The following DIP2B variants were observed in gnomAD, a reference collection of about 807,000 sequenced individuals.
The protein encoded by DIP2B is disco-interacting protein 2 homolog B.
DIP2B carries 76 observed loss-of-function variants against 198.0 expected under a neutral mutation model. That is an observed-to-expected ratio of 0.38 (90% CI 0.32 to 0.46). The LOEUF is 0.46. Ranked by LOEUF, DIP2B falls within the 20% of genes least tolerant of loss-of-function variation. The probability of loss-of-function intolerance (pLI) is 0.99; values close to 1 mark genes in which losing one functional copy is unlikely to be tolerated. For synonymous variants in DIP2B, 701 were observed against 739.1 expected (o/e 0.95, Z 0.84); for missense variants, 1,559 against 1,978.4 (o/e 0.79, Z 4.02).
chr12:50,661,629 C>G (rs1237113609), intron 4 of DIP2B, among the ~76,000 whole-genome samples: 1 of 152,216 alleles, frequency 6.6e-6, no homozygotes, highest in Non-Finnish European at 1.5e-5. Flanking sequence ...ATACCTCAAA[C>G]CTACTCATTG....
At chr12:50,664,645 G>A (rs1308023986) in intron 4 of DIP2B, among the ~76,000 whole-genome samples, 3 of 151,974 alleles carry the variant, frequency 2.0e-5, no homozygotes, top group African/African-American at 7.3e-5. Flanking sequence ...CACCCTTGTG[G>A]ACTTACCCTT....
chr12:50,556,371 G>A (rs1012939132), intron 1 of DIP2B, among the ~76,000 whole-genome samples: 4 of 152,032 alleles, frequency 2.6e-5, no homozygotes, highest in African/African-American at 7.2e-5. Context: ...CATCGAGCCC[G>A]GCCGACTCCT....
chr12:50,598,725 TCCCTCCCCTCCC>T (rs1958899808), intron 1 of DIP2B, among the ~76,000 whole-genome samples: 1 of 43,434 alleles, frequency 2.3e-5, no homozygotes, highest in African/African-American at 1.1e-4. Context: ...CAGATCCCCT[TCCCTCCCCTCCC>T]CCCTCCCCCC....
intron 3 of DIP2B, among the ~76,000 whole-genome samples, chr12:50,647,872 T>C (rs951988188): frequency 2.0e-5 from 3 of 152,150 alleles, no homozygotes; most frequent in Non-Finnish European, 2.9e-5. Flanking sequence ...CCTAGCATTT[T>C]GGGAGGCCGA....
At chr12:50,614,967 G>C (rs1373372845) in intron 1 of DIP2B, among the ~76,000 whole-genome samples, 1 of 152,114 alleles carries the variant, frequency 6.6e-6, no homozygotes, top group Non-Finnish European at 1.5e-5. Context: ...TTTTGCGCCT[G>C]CCAAAGGAGA....
intron 9 of DIP2B, 51 bp downstream of exon 9, chr12:50,680,814 T>C (rs1226032218): frequency 6.8e-7 from 1 of 1,462,630 alleles, no homozygotes; most frequent in Non-Finnish European, 9.5e-7. Context: ...TGTTTTCTAA[T>C]ATGCTAATAT....
intron 1 of DIP2B, among the ~76,000 whole-genome samples, chr12:50,529,547 A>G (rs114577086): frequency 0.011 from 1,610 of 152,314 alleles, 31 homozygotes; most frequent in African/African-American, 0.037. Flanking sequence ...ATGGAATGTA[A>G]GTCCAGTGAG....
In DIP2B at chr12:50,640,824, G is replaced by C. The variant is rs1938243113; in HGVS notation, c.273G>C (p.Gly91=). ...CTAAGTACCACCGAACTCGATCTGG[G>C]GGAGCCAGGGATGAACGATATCGAT... ...APSKYHRTRS[G]GARDERYRSD... The change falls in exon 3 of 38, where the codon GGG becomes GGC. Residue 91 remains glycine (G), a synonymous_variant. Transcript: ENST00000301180. 1 of 1,613,798 alleles carries C rather than the reference G, an allele frequency of 6.2e-7. No individual in the cohort carries two copies. The highest frequency in any genetic ancestry group is 1.3e-5 in the African/African-American group (1 of 74,916).
In DIP2B at chr12:50,681,026, A is replaced by C. The variant is rs149910088; in HGVS notation, c.1206+263A>C. Among the ~76,000 whole-genome samples the C allele has an allele frequency of 8.6e-3, 1,312 of 152,322 alleles. 27 individuals are homozygous for C. Among genetic ancestry groups the C allele is most frequent in the African/African-American group, 0.03 (1,237 of 41,560 alleles). On this transcript the variant is annotated intron_variant, in intron 9 of 37. Transcript: ENST00000301180. The stretch of plus-strand genomic sequence containing the variant: ...TTTAGGTGCTAATAAAAAGAAAGAG[A>C]AACCTTAGTCTTTCCAGAAATAAAT...
chr12:50,730,380 CTCTT>C (rs1448332061), intron 30 of DIP2B, among the ~76,000 whole-genome samples: 20 of 57,778 alleles, frequency 3.5e-4, no homozygotes, highest in African/African-American at 5.0e-4. Flanking sequence ...TTCTCTCTCT[CTCTT>C]TTTTTTTTTT....
At chr12:50,674,722 G>A in intron 6 of DIP2B, 93 bp downstream of exon 6, 2 of 1,483,102 alleles carry the variant, frequency 1.3e-6, no homozygotes, top group Non-Finnish European at 1.8e-6. Context: ...CCCAGCAGCT[G>A]CAGAACTGCA....
At chr12:50,639,972 T>G (rs1483897808) in intron 2 of DIP2B, among the ~76,000 whole-genome samples, 1 of 152,178 alleles carries the variant, frequency 6.6e-6, no homozygotes, top group African/African-American at 2.4e-5. Flanking sequence ...GGTATAAAGT[T>G]TCAGTTATGC....
At chr12:50,663,033 C>T (rs1052161682) in intron 4 of DIP2B, among the ~76,000 whole-genome samples, 5 of 151,956 alleles carry the variant, frequency 3.3e-5, no homozygotes, top group African/African-American at 1.2e-4. Context: ...TACTTGAACC[C>T]GGGAGGCAGA....
At chr12:50,543,924 TAAAAAAAA>T (rs781505789) in intron 1 of DIP2B, among the ~76,000 whole-genome samples, 2 of 101,162 alleles carry the variant, frequency 2.0e-5, no homozygotes, top group East Asian at 3.0e-4. Context: ...ACTCAGCCTT[TAAAAAAAA>T]AAAAAAAAAA....
At chr12:50,655,531 CTA>C (rs1938539737) in intron 3 of DIP2B, among the ~76,000 whole-genome samples, 2 of 152,150 alleles carry the variant, frequency 1.3e-5, no homozygotes, top group Admixed American at 6.5e-5. Context: ...ACTATGTGAA[CTA>C]TATAACCACA....
At chr12:50,727,865 C>G in intron 29 of DIP2B, 53 bp downstream of exon 29, 2 of 1,491,106 alleles carry the variant, frequency 1.3e-6, no homozygotes, top group East Asian at 2.3e-5. Flanking sequence ...GAGATGACCA[C>G]TGCCCCAGAA....
At chr12:50,699,230 A>G in intron 19 of DIP2B, 28 bp downstream of exon 19, 2 of 1,613,450 alleles carry the variant, frequency 1.2e-6, no homozygotes, top group Non-Finnish European at 1.7e-6. Flanking sequence ...TTCACAGGGA[A>G]AATGTTTGGG....
In DIP2B at chr12:50,678,843, A is replaced by G; in HGVS notation, c.1081A>G (p.Met361Val). ...ATGCTCCTGTCTGACTGCACTGGACATGACAGGGAAACCAGTTTACACTCT... is the reference window on the plus strand; with the variant it reads ...ATGCTCCTGTCTGACTGCACTGGACGTGACAGGGAAACCAGTTTACACTCT... ...AKCSCLTALD[M>V]TGKPVYTLTY... Residue 361 changes from methionine to valine, a missense_variant, in exon 8 of 38, where the codon ATG (methionine) becomes GTG (valine). Transcript: ENST00000301180. The G allele has an allele frequency of 6.2e-7, 1 of 1,614,206 alleles. No homozygotes were observed. Among genetic ancestry groups the G allele is most frequent in the Non-Finnish European group, 8.5e-7 (1 of 1,180,028 alleles).
At position 50,693,618 on chromosome 12, in the gene DIP2B, C is replaced by T. The variant is rs559228851; in HGVS notation, c.1719+605C>T. ...TGGATCCCTTTTCACCCAGAACCCTCGAAATCTTCAGTAAATTTACTTTCT... is the reference window on the plus strand; with the variant it reads ...TGGATCCCTTTTCACCCAGAACCCTTGAAATCTTCAGTAAATTTACTTTCT... On this transcript the variant is annotated intron_variant, in intron 14 of 37. Transcript: ENST00000301180. Among the ~76,000 whole-genome samples, 48 of 152,252 alleles carry T rather than the reference C, an allele frequency of 3.2e-4. 2 individuals carry two copies. The South Asian group carries it at 9.3e-3, about 30-fold the overall frequency.
Sources: gnomAD v4.1 joint callset for allele counts (sites outside exome capture counted in the v4.1 genomes callset) on GRCh38, gnomAD v4.1.1 for gene constraint, MANE v1.5 for transcripts, NCBI Gene and HGNC (gene_info 2026-07-23, HGNC 2026-07-21) for gene names.